The following MTHFD1L variants were observed in gnomAD, a reference collection of about 807,000 sequenced individuals.
The protein encoded by MTHFD1L is monofunctional C1-tetrahydrofolate synthase, mitochondrial.
In MTHFD1L, 81 loss-of-function variants were observed where a neutral mutation model predicts 119.5. The ratio of observed to expected loss-of-function variants is 0.68; its 90% CI spans 0.57 to 0.82. The LOEUF (loss-of-function observed/expected upper bound fraction) is 0.82. Among genes scored for constraint, MTHFD1L ranks in the 40% least tolerant of loss-of-function variants. The pLI, the probability that MTHFD1L is intolerant of heterozygous loss-of-function variation, is 0.00. For synonymous variants in MTHFD1L, 430 were observed against 475.2 expected (o/e 0.90, Z 1.24); for missense variants, 1,125 against 1,253.4 (o/e 0.90, Z 1.55).
Position 151,082,999 on chromosome 6 carries a change from C to G in MTHFD1L, c.2848-9468C>G, listed in dbSNP as rs1793355643. Among the ~76,000 whole-genome samples, 4 of 152,274 alleles carry G rather than the reference C, an allele frequency of 2.6e-5. No individual in the cohort carries two copies. The South Asian group carries it at 8.3e-4, about 32-fold the overall frequency. On this transcript the variant is annotated intron_variant, in intron 26 of 27. Transcript: ENST00000367321. ...GTAGAACCTTTGCACTTGCAGTTCT[C>G]CTTCCTAATGGGCTCAGGGAAACTC...
chr6:150,960,004 C>T (rs765175671), intron 17 of MTHFD1L, among the ~76,000 whole-genome samples: 12 of 152,150 alleles, frequency 7.9e-5, no homozygotes, highest in Non-Finnish European at 1.5e-4. Context: ...GTGCTGTGAG[C>T]GGGTGTAACA....
chr6:150,987,729 G>A (rs1397101072), intron 20 of MTHFD1L, among the ~76,000 whole-genome samples: 2 of 152,118 alleles, frequency 1.3e-5, no homozygotes, highest in African/African-American at 4.8e-5. Context: ...ATACAGCCCT[G>A]TGCATAACAG....
chr6:151,016,079 T>A (rs1009697440), intron 24 of MTHFD1L, among the ~76,000 whole-genome samples: 1 of 151,978 alleles, frequency 6.6e-6, no homozygotes, highest in Non-Finnish European at 1.5e-5. Context: ...GGCGACAGAG[T>A]GAGACCCTGT....
At chr6:151,015,494 C>T in intron 23 of MTHFD1L, 22 bp from the exon 24 acceptor site, 1 of 1,591,528 alleles carries the variant, frequency 6.3e-7, no homozygotes, top group South Asian at 1.1e-5. Context: ...AGATGCAAAA[C>T]CACAAACATT....
At chr6:150,917,684 T>C (rs976151250) in intron 8 of MTHFD1L, among the ~76,000 whole-genome samples, 6 of 152,198 alleles carry the variant, frequency 3.9e-5, no homozygotes, top group Non-Finnish European at 7.3e-5. Context: ...CCAAGAACTT[T>C]ATATACCTTA....
intron 24 of MTHFD1L, among the ~76,000 whole-genome samples, chr6:151,024,955 C>G (rs534081984): frequency 6.6e-6 from 1 of 152,258 alleles, no homozygotes; most frequent in African/African-American, 2.4e-5. Context: ...GCACTTTGCC[C>G]TCTTTTGGGT....
intron 11 of MTHFD1L, among the ~76,000 whole-genome samples, chr6:150,929,380 G>A (rs537213451): frequency 2.6e-5 from 4 of 152,138 alleles, no homozygotes; most frequent in Non-Finnish European, 5.9e-5. Context: ...GGTAGGATGT[G>A]TTGTCTGTTT....
At chr6:150,921,765 CA>C (rs1788980723) in intron 9 of MTHFD1L, among the ~76,000 whole-genome samples, 1 of 152,142 alleles carries the variant, frequency 6.6e-6, no homozygotes, top group East Asian at 1.9e-4. Flanking sequence ...TAAAATTTAA[CA>C]AAAACAATGA....
chr6:151,013,694 A>G, intron 21 of MTHFD1L, 85 bp from the exon 22 acceptor site: 1 of 1,228,666 alleles, frequency 8.1e-7, no homozygotes, highest in Non-Finnish European at 1.2e-6. Flanking sequence ...TAAAAATTGA[A>G]TGTGATTATG....
At chr6:151,003,758 T>C (rs1780965694) in intron 20 of MTHFD1L, among the ~76,000 whole-genome samples, 1 of 152,128 alleles carries the variant, frequency 6.6e-6, no homozygotes. Flanking sequence ...TCTTGAATTC[T>C]GTGATGTGAG....
chr6:150,866,360 T>A, intron 1 of MTHFD1L: 1 of 1,420,550 alleles, frequency 7.0e-7, no homozygotes, highest in Non-Finnish European at 9.1e-7. Flanking sequence ...CCGGCTCTGA[T>A]GCAATCGCGC....
At chr6:150,922,729 T>C (rs768831061) in intron 10 of MTHFD1L, among the ~76,000 whole-genome samples, 72 of 144,852 alleles carry the variant, frequency 5.0e-4, no homozygotes, top group Non-Finnish European at 9.5e-4. Flanking sequence ...CTGCAACCTC[T>C]ACCTCCCAGG....
intron 11 of MTHFD1L, among the ~76,000 whole-genome samples, chr6:150,928,536 CCTT>C (rs1302314748): frequency 2.0e-5 from 3 of 149,966 alleles, no homozygotes; most frequent in Non-Finnish European, 4.4e-5. Context: ...TCCTCTTTCT[CCTT>C]CTCTTTGTGT....
At chr6:151,060,086 G>A (rs1406797613) in intron 26 of MTHFD1L, among the ~76,000 whole-genome samples, 2 of 152,204 alleles carry the variant, frequency 1.3e-5, no homozygotes, top group African/African-American at 2.4e-5. Context: ...CGTTTACATA[G>A]TAAATAATTG....
chr6:151,004,081 G>A lies in MTHFD1L; in HGVS notation c.2126-5738G>A, dbSNP rs189991806. Reference sequence around the variant, plus strand: ...AATCTGAGTCCTGGCCAGGACTCACGCCTGTAATCCCAGCACTTTGGGAGG... The same window carrying A: ...AATCTGAGTCCTGGCCAGGACTCACACCTGTAATCCCAGCACTTTGGGAGG... On this transcript the variant is annotated intron_variant, in intron 20 of 27. Transcript: ENST00000367321. Among the ~76,000 whole-genome samples the A allele has an allele frequency of 3.8e-3, 572 of 150,444 alleles. 3 individuals carry two copies. Among genetic ancestry groups the A allele is most frequent in the African/African-American group, 0.013 (532 of 40,988 alleles).
At chr6:151,096,165 G>A (rs1794881562) in intron 27 of MTHFD1L, among the ~76,000 whole-genome samples, 1 of 152,184 alleles carries the variant, frequency 6.6e-6, no homozygotes, top group South Asian at 2.1e-4. Context: ...GGATAATGAG[G>A]TAATTTTTTC....
chr6:151,056,993 G>A (rs540735669), intron 26 of MTHFD1L, among the ~76,000 whole-genome samples: 2 of 152,208 alleles, frequency 1.3e-5, no homozygotes, highest in East Asian at 3.9e-4. Flanking sequence ...TTTGTATTTT[G>A]GGGTTTTTTG....
intron 20 of MTHFD1L, among the ~76,000 whole-genome samples, chr6:150,979,739 A>G (rs1777168870): frequency 6.6e-6 from 1 of 152,026 alleles, no homozygotes; most frequent in East Asian, 1.9e-4. Flanking sequence ...ACCTCAGGCG[A>G]TCCACTCACC....
intron 26 of MTHFD1L, among the ~76,000 whole-genome samples, chr6:151,044,405 G>A (rs144385247): frequency 0.017 from 2,593 of 151,466 alleles, 70 homozygotes; most frequent in African/African-American, 0.06. Flanking sequence ...GGTTTCAAGC[G>A]ATTCTCCTGC....
Sources: gnomAD v4.1 joint callset for allele counts (sites outside exome capture counted in the v4.1 genomes callset) on GRCh38, gnomAD v4.1.1 for gene constraint, MANE v1.5 for transcripts, NCBI Gene and HGNC (gene_info 2026-07-23, HGNC 2026-07-21) for gene names.